Variants in AKAP1 observed in about 807,000 individuals in gnomAD.
The protein encoded by AKAP1 is A-kinase anchoring protein 1.
A neutral mutation model predicts 79.8 loss-of-function variants in AKAP1; 32 were observed. The observed-to-expected ratio is 0.40, with a 90% CI of 0.30 to 0.54. AKAP1 has a LOEUF of 0.54. Among genes scored for constraint, AKAP1 ranks in the 20% least tolerant of loss-of-function variants. AKAP1 has a pLI of 0.47. For synonymous variants in AKAP1, 416 were observed against 466.7 expected (o/e 0.89, Z 1.40); for missense variants, 961 against 1,138.9 (o/e 0.84, Z 2.25).
intron 3 of AKAP1, among the ~76,000 whole-genome samples, chr17:57,110,619 A>G (rs1915181320): frequency 6.6e-6 from 1 of 152,226 alleles, no homozygotes; most frequent in South Asian, 2.1e-4. Context: ...AATCAGCTCT[A>G]ATCCTACCCT....
chr17:57,116,368 C>T (rs1915586852), intron 7 of AKAP1, 107 bp downstream of exon 7: 1 of 1,395,236 alleles, frequency 7.2e-7, no homozygotes, highest in Non-Finnish European at 1.0e-6. Flanking sequence ...GTTACTTCTT[C>T]CCTCCTGCTG....
At position 57,114,110 on chromosome 17, in the gene AKAP1, G is replaced by A. The variant is rs80228605; in HGVS notation, c.2104-349G>A. Among the ~76,000 whole-genome samples, 1,050 of 152,288 alleles carry A rather than the reference G, an allele frequency of 6.9e-3. 1 individual carries two copies. Among genetic ancestry groups the A allele is most frequent in the Non-Finnish European group, 0.01 (696 of 68,022 alleles). On this transcript the variant is annotated intron_variant, in intron 5 of 10. Transcript: ENST00000337714. The stretch of plus-strand genomic sequence containing the variant: ...TAGATTCATCAACAGAAGTGGGAGG[G>A]AGGGCACTGCTGGTAGGTGGACCCT...
chr17:57,094,910 G>A (rs1914002963), intron 1 of AKAP1: 1 of 152,046 alleles, frequency 6.6e-6, no homozygotes. Flanking sequence ...GTGCCTGGCT[G>A]AAGATGGGTC....
In AKAP1 at chr17:57,105,884, CA is replaced by C. The variant is rs779154423; in HGVS notation, c.423del (p.Lys141AsnfsTer5). 6.2e-7 allele frequency: 1 copy of C among 1,614,224 alleles called. No individual in the cohort carries two copies. Among genetic ancestry groups the C allele is most frequent in the Non-Finnish European group, 8.5e-7 (1 of 1,180,054 alleles). ...AGCTAGCCCTGACAGGTGGTGAAGCCAAATCGATTCCTCTAGAGTGCCCCCT... is the reference window on the plus strand; with the variant it reads ...AGCTAGCCCTGACAGGTGGTGAAGCCAATCGATTCCTCTAGAGTGCCCCCT... ...LELALTGGEA[K>X]SIPLECPLSS... On this transcript the variant is annotated frameshift_variant, in exon 2 of 11. Coordinates refer to ENST00000337714, the MANE Select transcript of AKAP1 (RefSeq NM_003488.4). LOFTEE classifies it high-confidence loss of function.
At chr17:57,095,849 C>T (rs1914079152) in intron 1 of AKAP1, 1 of 152,050 alleles carries the variant, frequency 6.6e-6, no homozygotes, top group Non-Finnish European at 1.5e-5. Context: ...GGCGGGAACT[C>T]CATGTACCCA....
chr17:57,104,770 T>C (rs1914738305), intron 1 of AKAP1, among the ~76,000 whole-genome samples: 1 of 152,212 alleles, frequency 6.6e-6, no homozygotes, highest in Admixed American at 6.5e-5. Context: ...TTTCCCACCA[T>C]TGTAAAGTTG....
At chr17:57,102,475 C>CT (rs200892328) in intron 1 of AKAP1, among the ~76,000 whole-genome samples, 18,867 of 141,162 alleles carry the variant, frequency 0.13, 1,322 homozygotes, top group African/African-American at 0.16. Context: ...ATGCCTTGAG[C>CT]TTTTTTTTTT....
intron 2 of AKAP1, chr17:57,108,111 A>G: frequency 1.0e-6 from 1 of 959,720 alleles, no homozygotes; most frequent in South Asian, 1.8e-5. Context: ...TCTCATGGAG[A>G]GAGGCCACGA....
intron 2 of AKAP1, among the ~76,000 whole-genome samples, chr17:57,108,672 G>C (rs576418479): frequency 6.6e-6 from 1 of 152,322 alleles, no homozygotes; most frequent in African/African-American, 2.4e-5. Context: ...TTAGTGCCTC[G>C]CATGTACCTT....
At chr17:57,117,779 A>G (rs1048740608) in intron 8 of AKAP1, among the ~76,000 whole-genome samples, 2 of 151,996 alleles carry the variant, frequency 1.3e-5, no homozygotes, top group African/African-American at 4.8e-5. Context: ...TTCCTTGGTA[A>G]ACCCCTGTCT....
At chr17:57,105,143 T>C (rs1328902275) in intron 1 of AKAP1, among the ~76,000 whole-genome samples, 2 of 152,190 alleles carry the variant, frequency 1.3e-5, no homozygotes, top group Admixed American at 6.5e-5. Flanking sequence ...GAATTTGGCA[T>C]CATGAAGTGA....
intron 3 of AKAP1, 30 bp from the exon 4 acceptor site, chr17:57,111,768 C>A: frequency 6.2e-7 from 1 of 1,612,374 alleles, no homozygotes; most frequent in Non-Finnish European, 8.5e-7. Context: ...TTCCCTTTAA[C>A]CCTCTCATCT....
chr17:57,111,306 G>A (rs895008666), intron 3 of AKAP1, among the ~76,000 whole-genome samples: 2 of 152,228 alleles, frequency 1.3e-5, no homozygotes, highest in African/African-American at 4.8e-5. Flanking sequence ...GGGAGCCCAG[G>A]GTTCTTAGAC....
intron 9 of AKAP1, 90 bp from the exon 10 acceptor site, chr17:57,118,892 C>T: frequency 1.4e-6 from 2 of 1,431,332 alleles, no homozygotes; most frequent in Non-Finnish European, 2.0e-6. Context: ...TCCCTCGACA[C>T]ATGGGGATTA....
rs1914945371 is a variant in AKAP1, at chr17:57,107,164, C to A, written c.1700C>A (p.Ala567Glu). The stretch of plus-strand genomic sequence containing the variant: ...GATGGATGGACCATGGATGCGGAAG[C>A]AGATCATTCAGGAGGTAGGAGGGTC... ...AEDGWTMDAE[A>E]DHSGGSDRNS... Residue 567 changes from alanine (A) to glutamate (E), a missense_variant, in exon 2 of 11, where the codon GCA becomes GAA. Ala to Glu is a moderately radical substitution (Grantham distance 107). Transcript: ENST00000337714. 1 of 1,605,158 alleles carries A rather than the reference C, an allele frequency of 6.2e-7. No homozygotes were observed. The highest frequency in any genetic ancestry group is 1.1e-5 in the South Asian group (1 of 90,366).
At chr17:57,111,148 TC>T (rs1432121144) in intron 3 of AKAP1, among the ~76,000 whole-genome samples, 1 of 152,162 alleles carries the variant, frequency 6.6e-6, no homozygotes, top group African/African-American at 2.4e-5. Context: ...CAGTAGCTCC[TC>T]CGGGAGGGGG....
At chr17:57,114,694 T>TGATCA in intron 6 of AKAP1, 58 bp downstream of exon 6, 2 of 1,518,234 alleles carry the variant, frequency 1.3e-6, no homozygotes, top group Non-Finnish European at 1.8e-6. Context: ...TGTTCTGCCC[T>TGATCA]GGATCCTGAT....
chr17:57,089,924 T>C lies in AKAP1; in HGVS notation c.-25+4526T>C, dbSNP rs1913680286. 2.0e-5 allele frequency among the ~76,000 whole-genome samples: 3 copies of C among 152,266 alleles called. No individual in the cohort carries two copies. The South Asian group carries it at 6.2e-4, about 31-fold the overall frequency. On this transcript the variant is annotated intron_variant, in intron 1 of 10. Coordinates refer to ENST00000337714, the MANE Select transcript of AKAP1 (RefSeq NM_003488.4). ...CGTTTATTATCATAAAGATCCCTGC[T>C]GGTTTGTCCTTGGTCTCCAAATGTC...
At chr17:57,107,929 A>G (rs1567909373) in intron 2 of AKAP1, 2 of 1,286,182 alleles carry the variant, frequency 1.6e-6, no homozygotes, top group Non-Finnish European at 2.0e-6. Context: ...AGCCTCAGCC[A>G]TTTTCTTTCT....
Sources: gnomAD v4.1 joint callset for allele counts (sites outside exome capture counted in the v4.1 genomes callset) on GRCh38, gnomAD v4.1.1 for gene constraint, MANE v1.5 for transcripts, NCBI Gene and HGNC (gene_info 2026-07-23, HGNC 2026-07-21) for gene names.